The following DLGAP1 variants were observed in gnomAD, a reference collection of about 807,000 sequenced individuals.
DLGAP1 encodes the protein disks large-associated protein 1.
DLGAP1 carries 11 observed loss-of-function variants against 90.8 expected under a neutral mutation model. That is an observed-to-expected ratio of 0.12 (90% CI 0.08 to 0.20). DLGAP1 has a LOEUF of 0.20. Ranked by LOEUF, DLGAP1 falls within the 10% of genes least tolerant of loss-of-function variation. The pLI, the probability that DLGAP1 is intolerant of heterozygous loss-of-function variation, is 1.00. For missense variants in DLGAP1, 1,050 were observed against 1,333.8 expected (o/e 0.79, Z 3.31); for synonymous variants, 558 against 540.7 (o/e 1.03, Z -0.44).
chr18:4,125,140 A>G (rs75086614), intron 2 of DLGAP1, among the ~76,000 whole-genome samples: 4 of 152,358 alleles, frequency 2.6e-5, no homozygotes, highest in African/African-American at 9.6e-5. Context: ...TAAAAAGCAC[A>G]GTACCAGGCA....
intron 1 of DLGAP1, among the ~76,000 whole-genome samples, chr18:4,253,915 C>T (rs944378662): frequency 1.6e-4 from 25 of 152,024 alleles, no homozygotes; most frequent in African/African-American, 6.0e-4. Flanking sequence ...TGTTTCTACT[C>T]GCTTCAGTTC....
chr18:4,075,329 C>T (rs1285108907), intron 2 of DLGAP1, among the ~76,000 whole-genome samples: 1 of 152,144 alleles, frequency 6.6e-6, no homozygotes, highest in Non-Finnish European at 1.5e-5. Context: ...CCTTTCTCTA[C>T]AGTGTAAAAA....
chr18:3,945,234 G>C (rs1461160189), intron 3 of DLGAP1, among the ~76,000 whole-genome samples: 1 of 152,168 alleles, frequency 6.6e-6, no homozygotes, highest in East Asian at 1.9e-4. Flanking sequence ...GATAGTGCCT[G>C]GTATGGGAGT....
At chr18:4,193,770 T>C (rs1342965123) in intron 1 of DLGAP1, among the ~76,000 whole-genome samples, 1 of 152,168 alleles carries the variant, frequency 6.6e-6, no homozygotes, top group Non-Finnish European at 1.5e-5. Context: ...GAGTTTTGCA[T>C]ATTCTCTTCT....
At chr18:3,823,498 G>C (rs1019201043) in intron 4 of DLGAP1, among the ~76,000 whole-genome samples, 1 of 152,194 alleles carries the variant, frequency 6.6e-6, no homozygotes, top group South Asian at 2.1e-4. Context: ...AAATGTTACA[G>C]CTTGTCAGAA....
intron 4 of DLGAP1, among the ~76,000 whole-genome samples, chr18:3,854,025 T>C (rs2069487826): frequency 6.6e-6 from 1 of 152,190 alleles, no homozygotes; most frequent in South Asian, 2.1e-4. Flanking sequence ...ACAGTGATTA[T>C]GTCTGGGGGA....
chr18:4,292,768 A>G (rs2079883782), intron 1 of DLGAP1, among the ~76,000 whole-genome samples: 1 of 152,210 alleles, frequency 6.6e-6, no homozygotes, highest in African/African-American at 2.4e-5. Context: ...CCTGGGAAAT[A>G]GAAATCAGAC....
chr18:3,652,982 G>T (rs1290116195), intron 7 of DLGAP1, among the ~76,000 whole-genome samples: 2 of 152,172 alleles, frequency 1.3e-5, no homozygotes, highest in Non-Finnish European at 2.9e-5. Context: ...AGCTCGGGTG[G>T]CCCCTCCTTC....
intron 7 of DLGAP1, among the ~76,000 whole-genome samples, chr18:3,583,163 T>G (rs1407241415): frequency 1.9e-3 from 261 of 136,936 alleles, no homozygotes; most frequent in Middle Eastern, 3.9e-3. Flanking sequence ...CCTACCTACC[T>G]ACCTACCTAC....
Position 3,515,178 on chromosome 18 carries a change from T to C in DLGAP1, c.2480-6517A>G, listed in dbSNP as rs576774306. On this transcript the variant is annotated intron_variant, in intron 10 of 12. Transcript: ENST00000315677. ...CCCACAGTAAAACTTTTTTCAAAAT[T>C]GGAGTCAAGGGGCCGGGCGCGGTGG... is the stretch of plus-strand genomic sequence containing the variant. 2.0e-5 allele frequency among the ~76,000 whole-genome samples: 3 copies of C among 152,306 alleles called. No homozygotes were observed. The East Asian group carries it at 5.8e-4, about 29-fold the overall frequency.
rs183648859 is a variant in DLGAP1 at position 3,580,360 on chromosome 18, G to A, written c.1965+1515C>T. The A allele has an allele frequency of 3.2e-5, 52 of 1,613,926 alleles. No homozygotes were observed. In the Middle Eastern group the frequency reaches 8.3e-4, roughly 26 times the overall value. ...CGAAATGTAGTTTTGCCACAGACTC[G>A]GGGCTCGAATTTCAGAGCCACATAC... On this transcript the variant is annotated intron_variant, in intron 8 of 12. Transcript: ENST00000315677.
intron 1 of DLGAP1, among the ~76,000 whole-genome samples, chr18:4,209,143 T>C (rs1441679944): frequency 6.6e-6 from 1 of 152,146 alleles, no homozygotes; most frequent in Non-Finnish European, 1.5e-5. Context: ...ATGTAGCTTC[T>C]ACATCTACCA....
At chr18:4,037,336 G>A (rs1188495510) in intron 2 of DLGAP1, among the ~76,000 whole-genome samples, 1 of 152,128 alleles carries the variant, frequency 6.6e-6, no homozygotes, top group African/African-American at 2.4e-5. Context: ...GAGCAAAAGT[G>A]GAGAAGGTGA....
chr18:3,697,351 A>G (rs35288559), intron 7 of DLGAP1, among the ~76,000 whole-genome samples: 24,388 of 151,740 alleles, frequency 0.16, 2,408 homozygotes, highest in East Asian at 0.46. Flanking sequence ...CCCTCTAAAC[A>G]CTTCTTTAGC....
At chr18:3,507,736 GTTTTTT>G (rs386386884) in intron 11 of DLGAP1, among the ~76,000 whole-genome samples, 8 of 89,964 alleles carry the variant, frequency 8.9e-5, no homozygotes, top group Non-Finnish European at 1.4e-4. Flanking sequence ...ATTCTTGAAG[GTTTTTT>G]TTTTTTTTTT....
At chr18:4,280,372 C>T (rs2079520740) in intron 1 of DLGAP1, among the ~76,000 whole-genome samples, 1 of 152,168 alleles carries the variant, frequency 6.6e-6, no homozygotes, top group African/African-American at 2.4e-5. Context: ...TAATCCCTGT[C>T]TTCATGGTCT....
intron 5 of DLGAP1, among the ~76,000 whole-genome samples, chr18:3,789,827 G>A (rs2148212253): frequency 6.6e-6 from 1 of 152,308 alleles, no homozygotes; most frequent in Non-Finnish European, 1.5e-5. Flanking sequence ...GGAGGTAACA[G>A]ATATGAAACA....
chr18:4,304,590 A>T (rs903174727), intron 1 of DLGAP1, among the ~76,000 whole-genome samples: 7 of 152,248 alleles, frequency 4.6e-5, no homozygotes, highest in Non-Finnish European at 2.9e-5. Context: ...CTTTAAGAAA[A>T]TGTATTCTAA....
chr18:4,225,414 T>A (rs145036394), intron 1 of DLGAP1, among the ~76,000 whole-genome samples: 34 of 151,896 alleles, frequency 2.2e-4, no homozygotes, highest in African/African-American at 7.7e-4. Context: ...TCTACAAGCA[T>A]CAAGACGATC....
Sources: allele counts gnomAD v4.1 joint callset (sites outside exome capture counted in the v4.1 genomes callset), GRCh38; gene constraint gnomAD v4.1.1; transcripts MANE v1.5; gene names NCBI Gene and HGNC (gene_info 2026-07-23, HGNC 2026-07-21).